The following MIOS variants were observed in gnomAD, a reference collection of about 807,000 sequenced individuals.
The protein encoded by MIOS is GATOR2 complex protein MIOS.
MIOS carries 52 observed loss-of-function variants against 96.9 expected under a neutral mutation model. The ratio of observed to expected loss-of-function variants is 0.54; its 90% CI spans 0.43 to 0.68. The LOEUF (loss-of-function observed/expected upper bound fraction) is 0.68. Among genes scored for constraint, MIOS ranks in the 30% least tolerant of loss-of-function variants. The pLI is 0.00. For synonymous variants in MIOS, 397 were observed against 359.5 expected (o/e 1.10, Z -1.18); for missense variants, 1,005 against 1,052.8 (o/e 0.95, Z 0.63).
At chr7:7,592,277 C>T (rs1432570142) in intron 9 of MIOS, among the ~76,000 whole-genome samples, 2 of 152,248 alleles carry the variant, frequency 1.3e-5, no homozygotes, top group Non-Finnish European at 2.9e-5. Flanking sequence ...GCGCAAGCCG[C>T]TGTGCCTGGC....
chr7:7,573,119 A>G lies in MIOS; in HGVS notation c.644A>G (p.Asn215Ser), dbSNP rs1295103707. 1.2e-6 allele frequency: 2 copies of G among 1,614,102 alleles called. No homozygotes were observed. The highest frequency in any genetic ancestry group is 1.7e-6 in the Non-Finnish European group (2 of 1,179,970). ...HRNLAIFDLR[N>S]TSQKMFVNTK... The stretch of plus-strand genomic sequence containing the variant: ...AACCTAGCTATATTTGATCTTCGGA[A>G]TACAAGCCAAAAGATGTTCGTAAAT... The change falls in exon 4 of 13, where the codon AAT (asparagine) becomes AGT (serine). Residue 215 changes from asparagine (N) to serine (S), a missense_variant. This residue lies in a region of MIOS where 865 missense variants were observed against 887.9 expected (regional missense o/e 0.97). Transcript: ENST00000340080. The surrounding 1 kb of genome is among the most constrained non-coding windows in gnomAD (Gnocchi z 5.0).
rs74914402 is a variant in MIOS, at chr7:7,585,928, A to G, written c.1818+123A>G. On this transcript the variant is annotated intron_variant, in intron 7 of 12. Transcript: ENST00000340080. ...ATATTTTTATGCATATGTTATTTAA[A>G]ATAAGGCATCTTGGGCTTTTTTTTT... 3.0e-3 allele frequency: 2,755 copies of G among 913,022 alleles called. 50 individuals are homozygous for G. In the African/African-American group the frequency reaches 0.043, roughly 14 times the overall value. The allele number at this position is 913,022 out of a possible 1,614,324, so 56.6% of individuals were successfully genotyped here.
At chr7:7,580,728 ACT>A (rs1167184728) in intron 5 of MIOS, among the ~76,000 whole-genome samples, 1 of 133,816 alleles carries the variant, frequency 7.5e-6, no homozygotes, top group Non-Finnish European at 1.5e-5. Context: ...ACAGAATCTC[ACT>A]CTGTCACCCA....
intron 9 of MIOS, among the ~76,000 whole-genome samples, chr7:7,594,747 C>G (rs2115458955): frequency 6.6e-6 from 1 of 151,606 alleles, no homozygotes; most frequent in African/African-American, 2.4e-5. Context: ...TTAGACTTCC[C>G]TGGGCAGGTA....
At chr7:7,606,158 C>T in intron 12 of MIOS, 87 bp downstream of exon 12, 15 of 1,499,854 alleles carry the variant, frequency 1.0e-5, no homozygotes, top group South Asian at 3.9e-5. Context: ...TATCTATTAG[C>T]ATTTAGCCAA....
intron 9 of MIOS, among the ~76,000 whole-genome samples, chr7:7,594,124 CTGT>C (rs1288911871): frequency 1.3e-5 from 2 of 151,822 alleles, no homozygotes; most frequent in Admixed American, 1.3e-4. Context: ...TTTTCTTGTT[CTGT>C]TATTATTTTT....
At chr7:7,603,918 T>G (rs1393907282) in intron 11 of MIOS, among the ~76,000 whole-genome samples, 2 of 152,066 alleles carry the variant, frequency 1.3e-5, no homozygotes, top group Non-Finnish European at 2.9e-5. Context: ...TGTAGGGACA[T>G]GGATGAAGCT....
rs149707152 is a variant in MIOS at position 7,590,937 on chromosome 7, C to G, written c.2043+1374C>G. Among the ~76,000 whole-genome samples, 490 of 152,318 alleles carry G rather than the reference C, an allele frequency of 3.2e-3. 5 individuals carry two copies. Among genetic ancestry groups the G allele is most frequent in the African/African-American group, 0.011 (464 of 41,552 alleles). Reference sequence around the variant, plus strand: ...GTGTGATTTCATTTACACATCCATTCCTTTGTCCTATTGTCATATATTTTA... The same window carrying G: ...GTGTGATTTCATTTACACATCCATTGCTTTGTCCTATTGTCATATATTTTA... On this transcript the variant is annotated intron_variant, in intron 9 of 12. Transcript: ENST00000340080.
At position 7,574,117 on chromosome 7, in the gene MIOS, A is replaced by C; in HGVS notation, c.1314A>C (p.Glu438Asp). 3.7e-6 allele frequency: 6 copies of C among 1,609,736 alleles called. 1 individual carries two copies. The South Asian group carries it at 5.5e-5, about 15-fold the overall frequency. The change falls in exon 5 of 13, where the codon GAA becomes GAC. Residue 438 changes from glutamate (E) to aspartate (D), a missense_variant. Glu to Asp is a conservative substitution (Grantham distance 45, BLOSUM62 2). Around this residue, in one of 3 missense-constraint regions of MIOS, gnomAD observed 865 missense variants for 887.9 expected, o/e 0.97. Coordinates refer to ENST00000340080, the MANE Select transcript of MIOS (RefSeq NM_019005.4). Reference protein sequence around the residue: ...YTLHFMKQYTEDMDQKSPGNK... With the variant: ...YTLHFMKQYTDDMDQKSPGNK... ...AAATACTTATGAAGCAATACACAGAAGATATGGATCAGAAATCTCCAGGCA... is the reference window on the plus strand; with the variant it reads ...AAATACTTATGAAGCAATACACAGACGATATGGATCAGAAATCTCCAGGCA...
In MIOS at chr7:7,580,895, T is replaced by C. The variant is rs374332027; in HGVS notation, c.1394-2223T>C. 7.0e-4 allele frequency among the ~76,000 whole-genome samples: 104 copies of C among 149,338 alleles called. 1 individual carries two copies. The South Asian group carries it at 0.01, about 15-fold the overall frequency. ...AGAGACCGGGTTTTGCCATGTTGGC[T>C]GGGCTGTTCTCGAACTCCCGACCTC... On this transcript the variant is annotated intron_variant, in intron 5 of 12. Coordinates refer to ENST00000340080, the MANE Select transcript of MIOS (RefSeq NM_019005.4).
In MIOS at chr7:7,592,782, G is replaced by A. The variant is rs117405129; in HGVS notation, c.2044-2198G>A. ...GGCAGAGCTCAGGCACTAATGTGAG[G>A]GATGGGGAGCAGCCGTAAATACAGA... On this transcript the variant is annotated intron_variant, in intron 9 of 12. Coordinates refer to ENST00000340080, the MANE Select transcript of MIOS (RefSeq NM_019005.4). Among the ~76,000 whole-genome samples the A allele has an allele frequency of 5.5e-4, 83 of 152,234 alleles. 2 individuals carry two copies. The East Asian group carries it at 0.013, about 25-fold the overall frequency.
rs764433702 is a variant in MIOS, at chr7:7,573,313, A to T, written c.838A>T (p.Thr280Ser). 1 of 1,614,078 alleles carries T rather than the reference A, an allele frequency of 6.2e-7. No individual in the cohort carries two copies. Among genetic ancestry groups the T allele is most frequent in the Non-Finnish European group, 8.5e-7 (1 of 1,179,944 alleles). ...LTKVAWCPTR[T>S]GLLATLTRDS... ...AAAAGTAGCATGGTGTCCCACTAGG[A>T]CTGGTCTACTTGCCACTTTAACAAG... The change falls in exon 4 of 13, where the codon ACT becomes TCT. Residue 280 changes from threonine (T) to serine (S), a missense_variant. By Grantham distance (58) the Thr-to-Ser change is moderately conservative. Transcript: ENST00000340080. The surrounding 1 kb of genome is among the most constrained non-coding windows in gnomAD (Gnocchi z 5.0).
intron 1 of MIOS, 200 bp from the exon 2 acceptor site, chr7:7,567,407 C>G (rs544276789): frequency 1.3e-5 from 2 of 152,458 alleles, no homozygotes; most frequent in South Asian, 4.1e-4. Flanking sequence ...CAGATTCCTG[C>G]TTTACCTAGA....
Position 7,570,576 on chromosome 7 carries a change from G to A in MIOS, c.-40-1860G>A, listed in dbSNP as rs570124047. On this transcript the variant is annotated intron_variant, in intron 3 of 12. Transcript: ENST00000340080. Reference sequence around the variant, plus strand: ...CAATGAAATAATTATACAACTCACCGTAATGTAGAATCAGTGGGAGCCCTG... The same window carrying A: ...CAATGAAATAATTATACAACTCACCATAATGTAGAATCAGTGGGAGCCCTG... Among the ~76,000 whole-genome samples, 6 of 151,912 alleles carry A rather than the reference G, an allele frequency of 3.9e-5. No homozygotes were observed. In the South Asian group the frequency reaches 6.2e-4, roughly 16 times the overall value.
At position 7,583,202 on chromosome 7, in the gene MIOS, C is replaced by T; in HGVS notation, c.1478C>T (p.Ala493Val). The T allele has an allele frequency of 6.2e-7, 1 of 1,614,104 alleles. No homozygotes were observed. The highest frequency in any genetic ancestry group is 8.5e-7 in the Non-Finnish European group (1 of 1,179,990). Residue 493 changes from alanine (A) to valine (V), a missense_variant, in exon 6 of 13, where the codon GCT becomes GTT. Ala to Val is a moderately conservative substitution (Grantham distance 64, BLOSUM62 0). Transcript: ENST00000340080. ...AATTTAAATGAAGAGAGAATCTTAG[C>T]TTTACAGCTTTGTGGGTGGATAAAG... ...IQNLNEERIL[A>V]LQLCGWIKKG... is the part of the protein sequence containing the mutation.
chr7:7,596,557 TTATTTC>T, intron 11 of MIOS, 96 bp downstream of exon 11: 1 of 1,236,644 alleles, frequency 8.1e-7, no homozygotes, highest in Non-Finnish European at 1.1e-6. Context: ...GCTAGAGTTA[TTATTTC>T]TAAGAAAGGG....
At chr7:7,588,443 A>C in intron 7 of MIOS, 55 bp from the exon 8 acceptor site, 1 of 1,160,270 alleles carries the variant, frequency 8.6e-7, no homozygotes, top group African/African-American at 1.6e-5. Context: ...GTCTCTGCAA[A>C]AATTTAAAAC....
chr7:7,585,568 T>C (rs1318025826), intron 6 of MIOS, 68 bp from the exon 7 acceptor site: 2 of 1,359,848 alleles, frequency 1.5e-6, no homozygotes, highest in African/African-American at 3.0e-5. Context: ...CTATTTATGG[T>C]TTAAGAAATG....
Position 7,607,123 on chromosome 7 carries a change from TG to T in MIOS, c.*32del. On this transcript the variant is annotated 3_prime_UTR_variant, in exon 13 of 13. Coordinates refer to ENST00000340080, the MANE Select transcript of MIOS (RefSeq NM_019005.4). ...TACCACCTTAAGAGAACCCTTCAAGTGTGGAGCTTTCTAGTAGGTGTCCTTC... is the reference window on the plus strand; with the variant it reads ...TACCACCTTAAGAGAACCCTTCAAGTTGGAGCTTTCTAGTAGGTGTCCTTC... The T allele has an allele frequency of 6.5e-7, 1 of 1,549,382 alleles. No homozygotes were observed. The highest frequency in any genetic ancestry group is 1.4e-5 in the African/African-American group (1 of 72,750).
Sources: gnomAD v4.1 joint callset for allele counts (sites outside exome capture counted in the v4.1 genomes callset) on GRCh38, gnomAD v4.1.1 for gene constraint, gnomAD v4.1.1 regional missense constraint, Gnocchi (gnomAD v3.1) non-coding constraint, MANE v1.5 for transcripts, NCBI Gene and HGNC (gene_info 2026-07-23, HGNC 2026-07-21) for gene names.